The following UTRN variants were observed in gnomAD, a reference collection of about 807,000 sequenced individuals.
UTRN encodes utrophin.
UTRN carries 283 observed loss-of-function variants against 463.9 expected under a neutral mutation model. The ratio of observed to expected loss-of-function variants is 0.61; its 90% CI spans 0.55 to 0.67. The LOEUF (loss-of-function observed/expected upper bound fraction) is 0.67, where lower values mean the gene tolerates loss of function less well. Among genes scored for constraint, UTRN ranks in the 30% least tolerant of loss-of-function variants. The probability of loss-of-function intolerance (pLI) is 0.00; values close to 1 mark genes in which losing one functional copy is unlikely to be tolerated. For synonymous variants in UTRN, 1,442 were observed against 1,431.5 expected (o/e 1.01, Z -0.17); for missense variants, 3,922 against 4,084.3 (o/e 0.96, Z 1.08).
chr6:144,578,255 A>G (rs1278175613), intron 51 of UTRN, among the ~76,000 whole-genome samples: 8 of 152,184 alleles, frequency 5.3e-5, no homozygotes. Context: ...CTCCTTGTCA[A>G]CCATAGTATT....
At chr6:144,732,747 C>G (rs1788884476) in intron 54 of UTRN, among the ~76,000 whole-genome samples, 1 of 151,202 alleles carries the variant, frequency 6.6e-6, no homozygotes, top group African/African-American at 2.4e-5. Flanking sequence ...GGGTTTTGCT[C>G]TGTTGTCCAG....
At position 144,798,872 on chromosome 6, in the gene UTRN, G is replaced by A. The variant is rs569091457; in HGVS notation, c.9245+882G>A. 2.0e-4 allele frequency among the ~76,000 whole-genome samples: 31 copies of A among 152,350 alleles called. 1 individual carries two copies. In the South Asian group the frequency reaches 3.9e-3, roughly 19 times the overall value. ...TTCCCCTGCCTCGGCCTCCCGAGTA[G>A]CTGGGACTACAGGTGCATGCCACCA... On this transcript the variant is annotated intron_variant, in intron 64 of 74. Coordinates refer to ENST00000367545, the MANE Select transcript of UTRN (RefSeq NM_007124.3).
chr6:144,512,450 T>G (rs568127187), intron 35 of UTRN, among the ~76,000 whole-genome samples: 1 of 152,306 alleles, frequency 6.6e-6, no homozygotes, highest in African/African-American at 2.4e-5. Flanking sequence ...GTTGATATTT[T>G]CTCATATCAT....
At position 144,751,834 on chromosome 6, in the gene UTRN, A is replaced by T. The variant is rs770552217; in HGVS notation, c.8237A>T (p.Asn2746Ile). 1 of 1,610,002 alleles carries T rather than the reference A, an allele frequency of 6.2e-7. No homozygotes were observed. Among genetic ancestry groups the T allele is most frequent in the Non-Finnish European group, 8.5e-7 (1 of 1,178,426 alleles). ...MAFREEIAPI[N>I]FKVKTVNDLS... ...TTTAGAGAAGAAATTGCACCAATCA[A>T]CTTTAAAGTTAAAACGGTGAATGAT... is the stretch of plus-strand genomic sequence containing the variant. Residue 2746 changes from asparagine to isoleucine, a missense_variant, in exon 56 of 75, where the codon AAC (asparagine) becomes ATC (isoleucine). Around this residue, in one of 3 missense-constraint regions of UTRN, gnomAD observed 1,309 missense variants for 1,452.6 expected, o/e 0.90. Coordinates refer to ENST00000367545, the MANE Select transcript of UTRN (RefSeq NM_007124.3).
At chr6:144,781,402 T>A (rs1331090732) in intron 60 of UTRN, among the ~76,000 whole-genome samples, 1 of 152,224 alleles carries the variant, frequency 6.6e-6, no homozygotes, top group African/African-American at 2.4e-5. Flanking sequence ...TAAAACCTGT[T>A]TTTTAATATG....
chr6:144,365,806 C>T (rs921046807), intron 2 of UTRN, among the ~76,000 whole-genome samples: 12 of 152,104 alleles, frequency 7.9e-5, no homozygotes, highest in South Asian at 2.1e-4. Context: ...GGCGTGATCT[C>T]GGCTCACTGC....
At chr6:144,390,066 AATAGC>A (rs1781773031) in intron 2 of UTRN, among the ~76,000 whole-genome samples, 1 of 152,240 alleles carries the variant, frequency 6.6e-6, no homozygotes, top group African/African-American at 2.4e-5. Context: ...TATACTTGAA[AATAGC>A]ATAGAGAGCA....
Position 144,808,769 on chromosome 6 carries a change from G to A in UTRN, c.9357+5622G>A, listed in dbSNP as rs138561217. 9.9e-5 allele frequency among the ~76,000 whole-genome samples: 15 copies of A among 152,006 alleles called. No homozygotes were observed. The East Asian group carries it at 2.9e-3, about 29-fold the overall frequency. ...TCCCACATATAAGTGAGATCATGCA[G>A]TATTTGTCTTTCTGTATCTGGGTTA... On this transcript the variant is annotated intron_variant, in intron 65 of 74. Transcript: ENST00000367545.
chr6:144,681,941 A>G (rs1472614545), intron 52 of UTRN, among the ~76,000 whole-genome samples: 1 of 152,156 alleles, frequency 6.6e-6, no homozygotes. Context: ...CATCGTGGAA[A>G]ATGTGGTATC....
At chr6:144,538,254 G>A (rs1797703097) in intron 44 of UTRN, among the ~76,000 whole-genome samples, 1 of 152,002 alleles carries the variant, frequency 6.6e-6, no homozygotes, top group African/African-American at 2.4e-5. Flanking sequence ...TACATATATA[G>A]ATGTATAAAT....
intron 65 of UTRN, among the ~76,000 whole-genome samples, chr6:144,805,268 G>T (rs1186182161): frequency 1.3e-5 from 2 of 152,152 alleles, no homozygotes; most frequent in Non-Finnish European, 2.9e-5. Context: ...TCTCCCTTTA[G>T]GAGGAAGAAT....
chr6:144,799,784 A>G (rs933594293), intron 64 of UTRN, among the ~76,000 whole-genome samples: 6 of 152,256 alleles, frequency 3.9e-5, no homozygotes, highest in South Asian at 2.1e-4. Context: ...AGATTAGTCA[A>G]CTTGCCCAAG....
At chr6:144,414,155 A>G (rs1784168133) in intron 3 of UTRN, among the ~76,000 whole-genome samples, 1 of 152,016 alleles carries the variant, frequency 6.6e-6, no homozygotes, top group African/African-American at 2.4e-5. Context: ...TAACTACAAA[A>G]CAGCCTCAGG....
Position 144,663,182 on chromosome 6 carries a change from A to G in UTRN, c.7480-15224A>G, listed in dbSNP as rs537296190. Among the ~76,000 whole-genome samples, 8 of 152,272 alleles carry G rather than the reference A, an allele frequency of 5.3e-5. No individual in the cohort carries two copies. The East Asian group carries it at 1.4e-3, about 26-fold the overall frequency. The stretch of plus-strand genomic sequence containing the variant: ...AGGGAACCATGCCAACTCGAGTGGT[A>G]CCTAAAGAGGAAGAACTTCTTACCA... On this transcript the variant is annotated intron_variant, in intron 51 of 74. Coordinates refer to ENST00000367545, the MANE Select transcript of UTRN (RefSeq NM_007124.3).
intron 2 of UTRN, among the ~76,000 whole-genome samples, chr6:144,343,409 C>CACAA (rs1554220421): frequency 1.4e-5 from 2 of 141,492 alleles, no homozygotes; most frequent in South Asian, 2.3e-4. Context: ...CACACACACA[C>CACAA]AATAGCCGGG....
intron 51 of UTRN, among the ~76,000 whole-genome samples, chr6:144,658,178 T>C (rs1208432300): frequency 6.6e-6 from 1 of 152,200 alleles, no homozygotes; most frequent in Non-Finnish European, 1.5e-5. Context: ...AAATGTGCGT[T>C]GAGGTGAAAC....
intron 52 of UTRN, 28 bp downstream of exon 52, chr6:144,678,606 A>G: frequency 1.3e-6 from 2 of 1,560,504 alleles, no homozygotes; most frequent in Non-Finnish European, 1.7e-6. Flanking sequence ...CAAAATAAAA[A>G]TAATGGGGTG....
At chr6:144,308,799 C>T (rs1805983927) in intron 2 of UTRN, among the ~76,000 whole-genome samples, 1 of 152,214 alleles carries the variant, frequency 6.6e-6, no homozygotes. Context: ...CGCTTACAAA[C>T]ATGCTATTGT....
Position 144,490,988 on chromosome 6 carries a change from G to A in UTRN, c.4323G>A (p.Glu1441=). ...TTTTCCAGAAGCCAGCTAACTTCGAGCAGCGCATGCTGGACTGCAAGCGTG... is the reference window on the plus strand; with the variant it reads ...TTTTCCAGAAGCCAGCTAACTTCGAACAGCGCATGCTGGACTGCAAGCGTG... ...FQLFQKPANF[E]QRMLDCKRVL... is the part of the protein sequence containing the mutation. The change falls in exon 32 of 75, where the codon GAG becomes GAA. Residue 1441 remains glutamate (E), a synonymous_variant. Transcript: ENST00000367545. 6.2e-7 allele frequency: 1 copy of A among 1,612,336 alleles called. No individual in the cohort carries two copies. Among genetic ancestry groups the A allele is most frequent in the Non-Finnish European group, 8.5e-7 (1 of 1,179,140 alleles).
Sources: allele counts gnomAD v4.1 joint callset (sites outside exome capture counted in the v4.1 genomes callset), GRCh38; gene constraint gnomAD v4.1.1; regional missense constraint gnomAD v4.1.1; transcripts MANE v1.5; gene names NCBI Gene and HGNC (gene_info 2026-07-23, HGNC 2026-07-21).